The following GPM6B variants were observed in gnomAD, a reference collection of about 807,000 sequenced individuals.
GPM6B encodes neuronal membrane glycoprotein M6-b.
A neutral mutation model predicts 27.2 loss-of-function variants in GPM6B; 4 were observed. The observed-to-expected ratio is 0.15, with a 90% CI of 0.07 to 0.34. The LOEUF is 0.34. Ranked by LOEUF, GPM6B falls within the 10% of genes least tolerant of loss-of-function variation. The probability of loss-of-function intolerance (pLI) is 1.00; values close to 1 mark genes in which losing one functional copy is unlikely to be tolerated. For synonymous variants in GPM6B, 124 were observed against 103.1 expected (o/e 1.20, Z -1.23); for missense variants, 183 against 261.9 (o/e 0.70, Z 2.08).
At chrX:13,862,663 T>C (rs192992599) in intron 1 of GPM6B, among the ~76,000 whole-genome samples, 15 of 111,733 alleles carry the variant, frequency 1.3e-4, no homozygotes, top group African/African-American at 3.9e-4. Flanking sequence ...CTCTTTCACT[T>C]CTGATTTGTG....
At chrX:13,814,469 C>T (rs907415819) in intron 1 of GPM6B, among the ~76,000 whole-genome samples, 4 of 112,331 alleles carry the variant, frequency 3.6e-5, no homozygotes, top group Admixed American at 9.4e-5. Context: ...ACATAAAAAA[C>T]GGATCCACCA....
intron 1 of GPM6B, among the ~76,000 whole-genome samples, chrX:13,866,017 TGGATAGAAGTTACTAG>T (rs1182161436): frequency 9.0e-6 from 1 of 110,737 alleles, no homozygotes; most frequent in African/African-American, 3.3e-5. Context: ...AGTAGAGAAT[TGGATAGAAGTTACTAG>T]GGGCTATGGA....
intron 1 of GPM6B, among the ~76,000 whole-genome samples, chrX:13,925,733 CTT>C (rs936813749): frequency 9.0e-6 from 1 of 111,229 alleles, no homozygotes; most frequent in African/African-American, 3.3e-5. Context: ...AAATGAAAGA[CTT>C]AATATAGTAA....
At chrX:13,902,895 C>A (rs1421582247) in intron 1 of GPM6B, among the ~76,000 whole-genome samples, 2 of 111,736 alleles carry the variant, frequency 1.8e-5, no homozygotes, top group Non-Finnish European at 3.8e-5. Context: ...CTCAAGAGGG[C>A]GGGAGACTCA....
chrX:13,899,173 G>A (rs2050258898), intron 1 of GPM6B, among the ~76,000 whole-genome samples: 1 of 110,255 alleles, frequency 9.1e-6, no homozygotes. Context: ...CTCTTTGGGA[G>A]GCTGAGGTGG....
chrX:13,913,951 C>CA (rs1447840415), intron 1 of GPM6B, among the ~76,000 whole-genome samples: 3 of 110,465 alleles, frequency 2.7e-5, no homozygotes, highest in African/African-American at 3.3e-5. Flanking sequence ...GGGGTTTCGC[C>CA]ATGTTGCCCA....
At chrX:13,849,101 T>G (rs1440218304) in intron 1 of GPM6B, among the ~76,000 whole-genome samples, 1 of 111,744 alleles carries the variant, frequency 8.9e-6, no homozygotes, top group Non-Finnish European at 1.9e-5. Context: ...TTTTACTGAG[T>G]GATGGAAATA....
chrX:13,776,870 C>T (rs1290338910), intron 6 of GPM6B, among the ~76,000 whole-genome samples: 2 of 111,974 alleles, frequency 1.8e-5, no homozygotes, highest in East Asian at 5.6e-4. Flanking sequence ...AGTAGCAAGT[C>T]ATTCCAGAAA....
intron 1 of GPM6B, among the ~76,000 whole-genome samples, chrX:13,918,722 C>T (rs1032472584): frequency 3.6e-5 from 4 of 111,238 alleles, no homozygotes; most frequent in African/African-American, 6.5e-5. Flanking sequence ...CTTACAATCA[C>T]GGCAGAAGAC....
intron 1 of GPM6B, among the ~76,000 whole-genome samples, chrX:13,840,254 C>T (rs2049556631): frequency 9.0e-6 from 1 of 111,357 alleles, no homozygotes; most frequent in Non-Finnish European, 1.9e-5. Context: ...AGCATGCCAC[C>T]AACCCTCCAG....
intron 1 of GPM6B, among the ~76,000 whole-genome samples, chrX:13,841,000 G>A (rs372838829): frequency 8.5e-4 from 95 of 111,664 alleles, no homozygotes; most frequent in African/African-American, 2.9e-3. Context: ...TGCATGCATG[G>A]GTGTATGTGC....
chrX:13,782,330 G>C (rs1245148478), intron 4 of GPM6B, among the ~76,000 whole-genome samples: 1 of 111,442 alleles, frequency 9.0e-6, no homozygotes, highest in East Asian at 2.8e-4. Context: ...ACTAGCTCAA[G>C]TACAAACAAG....
chrX:13,795,523 G>A (rs888163703), intron 2 of GPM6B, among the ~76,000 whole-genome samples: 8 of 111,670 alleles, frequency 7.2e-5, no homozygotes, highest in Admixed American at 1.9e-4. Context: ...TGAATGCAGA[G>A]GCAGATGTAA....
At chrX:13,813,595 T>C (rs1024451345) in intron 1 of GPM6B, among the ~76,000 whole-genome samples, 4 of 112,085 alleles carry the variant, frequency 3.6e-5, no homozygotes. Context: ...TAATAGAGCA[T>C]ACAAAGTTGT....
chrX:13,820,084 G>A (rs766148064), upstream of GPM6B, among the ~76,000 whole-genome samples: 211 of 111,765 alleles, frequency 1.9e-3, 1 homozygote, highest in African/African-American at 6.7e-3. Flanking sequence ...TAGCCCTAGA[G>A]GCAGTAGGTA....
At chrX:13,926,643 G>A (rs1373024748) in intron 1 of GPM6B, among the ~76,000 whole-genome samples, 1 of 111,879 alleles carries the variant, frequency 8.9e-6, no homozygotes, top group Non-Finnish European at 1.9e-5. Context: ...TACAGATATA[G>A]ATATTATCGG....
Position 13,861,051 on chromosome X carries a change from CATATATATACACATACATATATAT to C in GPM6B, c.-197-75267_-197-75244del, listed in dbSNP as rs1376054336. Among the ~76,000 whole-genome samples, 765 of 104,113 alleles carry C rather than the reference CATATATATACACATACATATATAT, an allele frequency of 7.3e-3. 9 individuals are homozygous for C. The highest frequency in any genetic ancestry group is 0.026 in the African/African-American group (737 of 28,105). The allele number at this position is 104,113 out of a possible 115,157, so 90.4% of individuals were successfully genotyped here. A position where few individuals can be genotyped will look rare whatever the true frequency, so the allele number is the denominator to read the frequency against. ...ACACACACACACACACACATATATA[CATATATATACACATACATATATAT>C]ACATATACACACATATATACACATA... On this transcript the variant is annotated intron_variant, in intron 1 of 6. Coordinates refer to the GPM6B transcript ENST00000398361.
intron 1 of GPM6B, among the ~76,000 whole-genome samples, chrX:13,905,230 C>CAAAAAAAAAAAA (rs199791285): frequency 6.2e-5 from 4 of 64,710 alleles, no homozygotes; most frequent in East Asian, 4.3e-4. Flanking sequence ...GGCCCTGTCT[C>CAAAAAAAAAAAA]AAAAAAAAAA....
chrX:13,803,987 G>T (rs1001793639), intron 2 of GPM6B, among the ~76,000 whole-genome samples: 6 of 112,081 alleles, frequency 5.4e-5, no homozygotes, highest in Non-Finnish European at 7.5e-5. Flanking sequence ...AAGATTTCTA[G>T]ATCTCTTGAG....
Sources: gnomAD v4.1 joint callset for allele counts (sites outside exome capture counted in the v4.1 genomes callset) on GRCh38, gnomAD v4.1.1 for gene constraint, MANE v1.5 for transcripts, NCBI Gene and HGNC (gene_info 2026-07-23, HGNC 2026-07-21) for gene names.